Variants in CDH20 observed in about 807,000 individuals in gnomAD.
The protein encoded by CDH20 is cadherin 20.
Under a neutral mutation model 74.2 loss-of-function variants are expected in CDH20, and 29 were observed. The ratio of observed to expected loss-of-function variants is 0.39; its 90% CI spans 0.29 to 0.53. The LOEUF (loss-of-function observed/expected upper bound fraction) is 0.53. Ranked by LOEUF, CDH20 falls within the 20% of genes least tolerant of loss-of-function variation. CDH20 has a pLI of 0.69. For synonymous variants in CDH20, 469 were observed against 405.4 expected, an observed-to-expected ratio of 1.16 and a Z score of -1.88; for missense variants, 988 against 1,048.3, an observed-to-expected ratio of 0.94 and a Z score of 0.79.
chr18:61,524,494 A>G (rs1912317074), intron 6 of CDH20, among the ~76,000 whole-genome samples: 1 of 152,238 alleles, frequency 6.6e-6, no homozygotes, highest in Admixed American at 6.5e-5. Flanking sequence ...AAAAACCTCT[A>G]TGTAAATATT....
At chr18:61,405,417 T>C (rs1032303938) in intron 1 of CDH20, among the ~76,000 whole-genome samples, 1 of 151,978 alleles carries the variant, frequency 6.6e-6, no homozygotes, top group African/African-American at 2.4e-5. Context: ...AAGACCCCCA[T>C]CTTTAAAAAA....
At chr18:61,438,410 G>A (rs1229776304) in intron 1 of CDH20, among the ~76,000 whole-genome samples, 1 of 152,090 alleles carries the variant, frequency 6.6e-6, no homozygotes, top group Non-Finnish European at 1.5e-5. Flanking sequence ...CCTGCCAGAG[G>A]TGCTCTGACA....
At chr18:61,364,238 G>T (rs767756317) in intron 1 of CDH20, among the ~76,000 whole-genome samples, 3 of 152,158 alleles carry the variant, frequency 2.0e-5, no homozygotes, top group Non-Finnish European at 4.4e-5. Flanking sequence ...GGAGGTGTTT[G>T]GGTCACCAGG....
intron 1 of CDH20, among the ~76,000 whole-genome samples, chr18:61,461,317 G>A (rs1909760493): frequency 7.4e-6 from 1 of 135,440 alleles, no homozygotes; most frequent in Non-Finnish European, 1.5e-5. Context: ...AGTACCACAA[G>A]CTGGGTGACT....
intron 6 of CDH20, among the ~76,000 whole-genome samples, chr18:61,516,287 G>A (rs775497313): frequency 2.1e-4 from 32 of 152,140 alleles, no homozygotes; most frequent in Non-Finnish European, 5.9e-5. Flanking sequence ...ATTTTTTTAG[G>A]TTTTTGCTAC....
At chr18:61,406,749 G>A (rs1345539092) in intron 1 of CDH20, among the ~76,000 whole-genome samples, 3 of 152,160 alleles carry the variant, frequency 2.0e-5, no homozygotes, top group Non-Finnish European at 4.4e-5. Flanking sequence ...GAGGAATTCA[G>A]GCAGAGGATT....
intron 1 of CDH20, among the ~76,000 whole-genome samples, chr18:61,362,324 A>G (rs1910720025): frequency 6.6e-6 from 1 of 152,184 alleles, no homozygotes; most frequent in Admixed American, 6.5e-5. Context: ...ATAGAGACCT[A>G]AAAACAGAAA....
intron 6 of CDH20, among the ~76,000 whole-genome samples, chr18:61,524,500 A>G (rs904988258): frequency 1.6e-4 from 24 of 152,218 alleles, no homozygotes; most frequent in Admixed American, 1.5e-3. Flanking sequence ...CTCTATGTAA[A>G]TATTAATAGG....
intron 1 of CDH20, among the ~76,000 whole-genome samples, chr18:61,424,440 G>A (rs973700904): frequency 1.3e-5 from 2 of 152,204 alleles, no homozygotes; most frequent in Non-Finnish European, 2.9e-5. Flanking sequence ...GTATGGCAGT[G>A]TTAGCACTGA....
intron 1 of CDH20, among the ~76,000 whole-genome samples, chr18:61,354,599 A>T (rs543989043): frequency 4.6e-5 from 7 of 151,904 alleles, no homozygotes; most frequent in African/African-American, 1.7e-4. Context: ...ACAGAGTGAA[A>T]CTTCATCTCA....
intron 2 of CDH20, among the ~76,000 whole-genome samples, chr18:61,494,746 A>C (rs1255355085): frequency 1.3e-5 from 2 of 152,184 alleles, no homozygotes; most frequent in Non-Finnish European, 2.9e-5. Flanking sequence ...GGCAGTGTCA[A>C]GTTAAAGCTA....
chr18:61,442,262 G>A (rs1599088031), intron 1 of CDH20, among the ~76,000 whole-genome samples: 1 of 150,930 alleles, frequency 6.6e-6, no homozygotes, highest in Non-Finnish European at 1.5e-5. Context: ...GAGGCAGGAG[G>A]ATCTCTTGAA....
chr18:61,362,214 AT>A (rs989448281), intron 1 of CDH20, among the ~76,000 whole-genome samples: 3 of 152,176 alleles, frequency 2.0e-5, no homozygotes, highest in East Asian at 1.9e-4. Flanking sequence ...ATGATTTTAC[AT>A]TTTTTTAGGG....
chr18:61,339,809 TC>T (rs1257126809), intron 1 of CDH20, among the ~76,000 whole-genome samples: 1 of 149,574 alleles, frequency 6.7e-6, no homozygotes, highest in Admixed American at 6.8e-5. Context: ...TGCCTCAGCC[TC>T]CCAAGTAGCT....
chr18:61,385,338 C>T (rs946744937), intron 1 of CDH20, among the ~76,000 whole-genome samples: 1 of 151,810 alleles, frequency 6.6e-6, no homozygotes, highest in African/African-American at 2.4e-5. Context: ...AGAAAAGAAA[C>T]AAGAATATAG....
At chr18:61,550,337 G>A (rs1165453904) in intron 11 of CDH20, 108 bp downstream of exon 11, 4 of 1,351,284 alleles carry the variant, frequency 3.0e-6, no homozygotes, top group East Asian at 2.3e-5. Flanking sequence ...TCCACACCTT[G>A]CTTACTCAAA....
chr18:61,517,689 GTTT>G (rs375060168), intron 6 of CDH20, among the ~76,000 whole-genome samples: 32 of 5,078 alleles, frequency 6.3e-3, no homozygotes, highest in Admixed American at 0.025. Context: ...ACTAGCTGCA[GTTT>G]TTTTTGTTGT....
intron 1 of CDH20, among the ~76,000 whole-genome samples, chr18:61,425,071 CT>C (rs1913026255): frequency 6.6e-6 from 1 of 150,788 alleles, no homozygotes. Flanking sequence ...CTCTCTCTCT[CT>C]CTCTCACTCA....
chr18:61,544,558 G>A (rs546362965), intron 9 of CDH20, among the ~76,000 whole-genome samples: 3 of 152,300 alleles, frequency 2.0e-5, no homozygotes, highest in Admixed American at 6.5e-5. Flanking sequence ...ATCTTCCCCC[G>A]GATTCGGGCT....
Sources: gnomAD v4.1 joint callset for allele counts (sites outside exome capture counted in the v4.1 genomes callset) on GRCh38, gnomAD v4.1.1 for gene constraint, MANE v1.5 for transcripts, NCBI Gene and HGNC (gene_info 2026-07-23, HGNC 2026-07-21) for gene names.